KIAA0040: variants seen among roughly 807,000 people sequenced by gnomAD.
KIAA0040 encodes KIAA0040.
Under a neutral mutation model 7.2 loss-of-function variants are expected in KIAA0040, and 10 were observed. The ratio of observed to expected loss-of-function variants is 1.38; its 90% CI spans 0.85 to 2.34. KIAA0040 has a LOEUF of 2.34. Ranked by LOEUF, KIAA0040 falls within the 30% of genes most tolerant of loss-of-function variation. The pLI, the probability that KIAA0040 is intolerant of heterozygous loss-of-function variation, is 0.00. For missense variants in KIAA0040, 89 were observed against 108.2 expected, an observed-to-expected ratio of 0.82 and a Z score of 0.79; for synonymous variants, 49 against 40.1, an observed-to-expected ratio of 1.22 and a Z score of -0.84.
In KIAA0040 at chr1:175,175,931, G is replaced by A. The variant is rs560571073; in HGVS notation, c.-310+1680C>T. On this transcript the variant is annotated intron_variant, in intron 2 of 3. Coordinates refer to ENST00000423313, the MANE Select transcript of KIAA0040 (RefSeq NM_014656.3). ...TAGGAGATATACTTAATGTAATGAC[G>A]AGTTAATGGGTGCAGCACATCAACA... 4.6e-5 allele frequency among the ~76,000 whole-genome samples: 7 copies of A among 152,276 alleles called. No homozygotes were observed. The South Asian group carries it at 6.2e-4, about 14-fold the overall frequency.
chr1:175,157,388 T>C lies in KIAA0040; in HGVS notation c.*3326A>G, dbSNP rs1057301. 0.37 allele frequency: 55,790 copies of C among 152,034 alleles called. 11,065 individuals carry two copies. The highest frequency in any genetic ancestry group is 0.45 in the Non-Finnish European group (30,862 of 67,970). The allele number at this position is 152,034 out of a possible 1,614,324, so 9.4% of individuals were successfully genotyped here. ...GCCACATTCCTCATCCTCAGACCTA[T>C]GACTCTACCATGGCGAAGGCGGTGA... On this transcript the variant is annotated 3_prime_UTR_variant, in exon 4 of 4. Transcript: ENST00000423313.
In KIAA0040 at chr1:175,159,859, C is replaced by A. The variant is rs1207906117; in HGVS notation, c.*855G>T. 6.6e-6 allele frequency: 1 copy of A among 151,572 alleles called. No homozygotes were observed. Among genetic ancestry groups the A allele is most frequent in the Non-Finnish European group, 1.5e-5 (1 of 67,864 alleles). 9.4% of individuals were successfully genotyped at this position (151,572 alleles called of 1,614,324 possible). ...TTCTTGCTTGGAGAAAGGCACTTTG[C>A]TGAGTGGTTTGCGGGGGTAATGTTT... On this transcript the variant is annotated 3_prime_UTR_variant, in exon 4 of 4. Transcript: ENST00000423313.
intron 1 of KIAA0040, among the ~76,000 whole-genome samples, chr1:175,188,379 G>A (rs1227374110): frequency 6.6e-6 from 1 of 152,198 alleles, no homozygotes; most frequent in Non-Finnish European, 1.5e-5. Context: ...CTCTGGCCCT[G>A]GGGATTGTCT....
At chr1:175,164,429 A>G (rs1162198956) in intron 3 of KIAA0040, among the ~76,000 whole-genome samples, 1 of 152,188 alleles carries the variant, frequency 6.6e-6, no homozygotes, top group Non-Finnish European at 1.5e-5. Flanking sequence ...GCAAATTCCA[A>G]ACTAGATTGC....
rs941080387 is a variant in KIAA0040, at chr1:175,158,688, G to A, written c.*2026C>T. On this transcript the variant is annotated 3_prime_UTR_variant, in exon 4 of 4. Coordinates refer to ENST00000423313, the MANE Select transcript of KIAA0040 (RefSeq NM_014656.3). ...AGGCCCCATGACAAACTCTCTATGT[G>A]ACAAGGGGATAGAGAACCAGAGTGC... is the stretch of plus-strand genomic sequence containing the variant. 6.6e-6 allele frequency: 1 copy of A among 152,258 alleles called. No individual in the cohort carries two copies. The highest frequency in any genetic ancestry group is 2.4e-5 in the African/African-American group (1 of 41,440). The allele number at this position is 152,258 out of a possible 1,614,324, so 9.4% of individuals were successfully genotyped here.
At chr1:175,183,852 C>G (rs941453741) in intron 1 of KIAA0040, among the ~76,000 whole-genome samples, 4 of 152,198 alleles carry the variant, frequency 2.6e-5, no homozygotes, top group African/African-American at 9.6e-5. Flanking sequence ...GTGGTAGGTC[C>G]TTGAGGGTGG....
At chr1:175,165,028 A>T (rs1286778335) in intron 3 of KIAA0040, among the ~76,000 whole-genome samples, 1 of 152,226 alleles carries the variant, frequency 6.6e-6, no homozygotes, top group Non-Finnish European at 1.5e-5. Context: ...CATCTGTCTG[A>T]TTGTGGCTGT....
At chr1:175,178,796 A>T (rs1485812692) in intron 1 of KIAA0040, among the ~76,000 whole-genome samples, 1 of 152,258 alleles carries the variant, frequency 6.6e-6, no homozygotes, top group African/African-American at 2.4e-5. Flanking sequence ...GTGAAAGTCA[A>T]ATACTAATAT....
chr1:175,161,251 A>C, intron 3 of KIAA0040, 105 bp from the exon 4 acceptor site: 1 of 429,708 alleles, frequency 2.3e-6, no homozygotes, highest in Non-Finnish European at 4.1e-6. Flanking sequence ...GGAATTGAAG[A>C]TTTCCAGGGT....
chr1:175,185,711 GAACTGAA>G (rs1299798423), intron 1 of KIAA0040, among the ~76,000 whole-genome samples: 2 of 152,288 alleles, frequency 1.3e-5, no homozygotes, highest in Middle Eastern at 3.4e-3. Flanking sequence ...ATGCCCAAAA[GAACTGAA>G]AACAGGTATT....
intron 1 of KIAA0040, among the ~76,000 whole-genome samples, chr1:175,181,239 G>C (rs1315762330): frequency 6.6e-6 from 1 of 151,856 alleles, no homozygotes; most frequent in Admixed American, 6.6e-5. Context: ...TTTGTGGGGG[G>C]CGGGGGGCTG....
intron 2 of KIAA0040, among the ~76,000 whole-genome samples, chr1:175,174,935 TGGTA>T (rs1677126413): frequency 6.6e-6 from 1 of 152,178 alleles, no homozygotes. Flanking sequence ...CAAAATAGTT[TGGTA>T]AAGGATTTTG....
chr1:175,158,416 G>A lies in KIAA0040; in HGVS notation c.*2298C>T, dbSNP rs1676381465. ...ATTCAAAGGAGCAAGCAGTTGCCAT[G>A]GAAACCATGTTACTTGTATGGTCCC... On this transcript the variant is annotated 3_prime_UTR_variant, in exon 4 of 4. Coordinates refer to ENST00000423313, the MANE Select transcript of KIAA0040 (RefSeq NM_014656.3). The A allele has an allele frequency of 6.6e-6, 1 of 152,162 alleles. No individual in the cohort carries two copies. The highest frequency in any genetic ancestry group is 2.4e-5 in the African/African-American group (1 of 41,420). 9.4% of individuals were successfully genotyped at this position (152,162 alleles called of 1,614,324 possible). A position where few individuals can be genotyped will look rare whatever the true frequency, so the allele number is the denominator to read the frequency against.
In KIAA0040 at chr1:175,157,210, C is replaced by T. The variant is rs960032464; in HGVS notation, c.*3504G>A. The T allele has an allele frequency of 6.6e-6, 1 of 152,150 alleles. No individual in the cohort carries two copies. Among genetic ancestry groups the T allele is most frequent in the East Asian group, 1.9e-4 (1 of 5,190 alleles). 9.4% of individuals were successfully genotyped at this position (152,150 alleles called of 1,614,324 possible). A position where few individuals can be genotyped will look rare whatever the true frequency, so the allele number is the denominator to read the frequency against. ...ATTCTTCCTTAGGTTTTTGCTATTT[C>T]CCCCCTTTTCCTTTAAGAAGCCATT... On this transcript the variant is annotated 3_prime_UTR_variant, in exon 4 of 4. Coordinates refer to ENST00000423313, the MANE Select transcript of KIAA0040 (RefSeq NM_014656.3).
chr1:175,161,068 G>A lies in KIAA0040; in HGVS notation c.-55C>T, dbSNP rs1057239. The A allele has an allele frequency of 0.43, 639,239 of 1,479,164 alleles. 142,773 individuals carry two copies. Among genetic ancestry groups the A allele is most frequent in the Non-Finnish European group, 0.46 (514,750 of 1,108,102 alleles). 91.6% of individuals were successfully genotyped at this position (1,479,164 alleles called of 1,614,324 possible). ...CCTCTCGGCTTACAAGCAGGTCCTGGGCTCAAAAGGATGCAACCTTGACCA... is the reference window on the plus strand; with the variant it reads ...CCTCTCGGCTTACAAGCAGGTCCTGAGCTCAAAAGGATGCAACCTTGACCA... On this transcript the variant is annotated 5_prime_UTR_variant, in exon 4 of 4. Coordinates refer to ENST00000423313, the MANE Select transcript of KIAA0040 (RefSeq NM_014656.3).
intron 3 of KIAA0040, among the ~76,000 whole-genome samples, chr1:175,165,048 C>G (rs193288673): frequency 6.6e-6 from 1 of 152,198 alleles, no homozygotes; most frequent in Non-Finnish European, 1.5e-5. Context: ...TGGGGGTGGA[C>G]GAGAGGACAG....
chr1:175,164,439 C>T (rs942579751), intron 3 of KIAA0040, among the ~76,000 whole-genome samples: 2 of 152,150 alleles, frequency 1.3e-5, no homozygotes, highest in Admixed American at 6.5e-5. Context: ...AACTAGATTG[C>T]TTAGTTGGCT....
intron 1 of KIAA0040, among the ~76,000 whole-genome samples, chr1:175,183,303 A>G (rs1167657125): frequency 6.6e-6 from 1 of 152,222 alleles, no homozygotes; most frequent in East Asian, 1.9e-4. Flanking sequence ...GATGTACAAT[A>G]AATGCTTTTT....
intron 1 of KIAA0040, among the ~76,000 whole-genome samples, chr1:175,182,696 A>G (rs1677486041): frequency 6.6e-6 from 1 of 152,216 alleles, no homozygotes; most frequent in Admixed American, 6.5e-5. Flanking sequence ...GCTTCTGAAT[A>G]TGGAAAGTCC....
Sources: gnomAD v4.1 joint callset for allele counts (sites outside exome capture counted in the v4.1 genomes callset) on GRCh38, gnomAD v4.1.1 for gene constraint, MANE v1.5 for transcripts, NCBI Gene and HGNC (gene_info 2026-07-23, HGNC 2026-07-21) for gene names.